The following KAZN variants were observed in gnomAD, a reference collection of about 807,000 sequenced individuals.
KAZN encodes kazrin.
Under a neutral mutation model 87.4 loss-of-function variants are expected in KAZN, and 40 were observed. The observed-to-expected ratio is 0.46, with a 90% CI of 0.36 to 0.60. The LOEUF is 0.60. Among genes scored for constraint, KAZN ranks in the 20% least tolerant of loss-of-function variants. KAZN has a pLI of 0.00. For missense variants in KAZN, 898 were observed against 1,073.9 expected (o/e 0.84, Z 2.29); for synonymous variants, 466 against 458.3 (o/e 1.02, Z -0.22).
intron 2 of KAZN, among the ~76,000 whole-genome samples, chr1:14,965,982 C>CTTTTTTT (rs71306999): frequency 3.2e-4 from 41 of 129,134 alleles, no homozygotes; most frequent in African/African-American, 6.8e-4. Context: ...CTTTCCTTTT[C>CTTTTTTT]TTTTTTTTTT....
intron 1 of KAZN, among the ~76,000 whole-genome samples, chr1:14,044,125 C>CTCTT (rs1641956994): frequency 1.3e-5 from 2 of 151,994 alleles, no homozygotes; most frequent in South Asian, 4.1e-4. Flanking sequence ...CTCTCTCTCT[C>CTCTT]CCTCCTCCAA....
At position 14,910,061 on chromosome 1, in the gene KAZN, T is replaced by TAAATAATGAATGAATGAATG. The variant is rs71000348; in HGVS notation, c.227-50621_227-50620insATAATGAATGAATGAATGAA. 2.8e-3 allele frequency among the ~76,000 whole-genome samples: 419 copies of TAAATAATGAATGAATGAATG among 147,344 alleles called. 1 individual carries two copies. Among genetic ancestry groups the TAAATAATGAATGAATGAATG allele is most frequent in the Middle Eastern group, 6.9e-3 (2 of 290 alleles). On this transcript the variant is annotated intron_variant, in intron 1 of 14. Coordinates refer to ENST00000376030, the MANE Select transcript of KAZN (RefSeq NM_201628.3). ...GTAAGACCTTGTCTCAATAAATAAA[T>TAAATAATGAATGAATGAATG]AATGAATGAATGAATGAATGAATGA...
intron 8 of KAZN, among the ~76,000 whole-genome samples, chr1:15,070,499 TGG>T (rs1639458298): frequency 6.6e-6 from 1 of 151,926 alleles, no homozygotes; most frequent in African/African-American, 2.4e-5. Flanking sequence ...CCCCAACACC[TGG>T]GGAGCTCTGT....
At chr1:14,662,262 C>T (rs530494800) in intron 1 of KAZN, among the ~76,000 whole-genome samples, 1 of 152,176 alleles carries the variant, frequency 6.6e-6, no homozygotes, top group African/African-American at 2.4e-5. Flanking sequence ...TACTAGGTGT[C>T]AGTGTGGGCA....
intron 1 of KAZN, among the ~76,000 whole-genome samples, chr1:14,817,781 A>G (rs2100811910): frequency 6.6e-6 from 1 of 150,728 alleles, no homozygotes; most frequent in East Asian, 1.9e-4. Context: ...TAAATAGGAA[A>G]AAAAAAAAAA....
At chr1:14,558,383 T>TTTTA (rs1409814749) in intron 2 of KAZN, among the ~76,000 whole-genome samples, 2 of 152,192 alleles carry the variant, frequency 1.3e-5, no homozygotes, top group Non-Finnish European at 2.9e-5. Context: ...CAAGTAAACA[T>TTTTA]CTTTTTTCTT....
At chr1:14,876,638 T>G (rs1458721454) in intron 1 of KAZN, among the ~76,000 whole-genome samples, 3 of 152,172 alleles carry the variant, frequency 2.0e-5, no homozygotes, top group Non-Finnish European at 2.9e-5. Context: ...CCTTCTCTGT[T>G]TACATTAGTC....
At chr1:14,142,068 G>A (rs1462322045) in intron 1 of KAZN, among the ~76,000 whole-genome samples, 1 of 144,992 alleles carries the variant, frequency 6.9e-6, no homozygotes, top group Non-Finnish European at 1.5e-5. Flanking sequence ...TGTTCTCTTT[G>A]TTCCTGCCTT....
chr1:13,912,938 T>A (rs1639707239), intron 1 of KAZN, among the ~76,000 whole-genome samples: 1 of 152,198 alleles, frequency 6.6e-6, no homozygotes, highest in South Asian at 2.1e-4. Flanking sequence ...ACCTGCTGGC[T>A]GTGTAGCATA....
intron 1 of KAZN, among the ~76,000 whole-genome samples, chr1:14,654,646 C>T (rs1638674657): frequency 1.3e-5 from 2 of 152,234 alleles, no homozygotes; most frequent in Admixed American, 6.5e-5. Flanking sequence ...GGGCATCCAC[C>T]TCCTCCTCCC....
At chr1:14,796,795 A>G (rs1448002344) in intron 1 of KAZN, among the ~76,000 whole-genome samples, 2 of 152,198 alleles carry the variant, frequency 1.3e-5, no homozygotes, top group Non-Finnish European at 2.9e-5. Context: ...GAAAGACACA[A>G]ACTTGACTGA....
intron 1 of KAZN, among the ~76,000 whole-genome samples, chr1:14,666,039 TAA>T (rs940830211): frequency 1.4e-5 from 2 of 145,192 alleles, no homozygotes; most frequent in African/African-American, 2.5e-5. Flanking sequence ...CCTTGGAATT[TAA>T]AAAAAAAAAG....
At chr1:14,200,848 T>C (rs1352510041) in intron 2 of KAZN, among the ~76,000 whole-genome samples, 1 of 145,148 alleles carries the variant, frequency 6.9e-6, no homozygotes, top group African/African-American at 2.5e-5. Context: ...TCTTGGTTAC[T>C]TTTTTTTTTT....
At chr1:14,339,377 A>G (rs1434559607) in intron 2 of KAZN, among the ~76,000 whole-genome samples, 1 of 152,158 alleles carries the variant, frequency 6.6e-6, no homozygotes, top group Non-Finnish European at 1.5e-5. Context: ...AGGAGAGAAA[A>G]TCAAATGGGT....
Position 15,077,109 on chromosome 1 carries a change from A to G in KAZN, c.1222+11356A>G, listed in dbSNP as rs190564130. 3.0e-4 allele frequency among the ~76,000 whole-genome samples: 45 copies of G among 152,360 alleles called. No individual in the cohort carries two copies. The highest frequency in any genetic ancestry group is 8.9e-4 in the African/African-American group (37 of 41,596). On this transcript the variant is annotated intron_variant, in intron 8 of 14. Transcript: ENST00000376030. The surrounding 1 kb of genome is among the most constrained non-coding windows in gnomAD (Gnocchi z 4.8). ...GTTTCCAGAGCTCCAGATCTTCTAG[A>G]GAAGCCAAATATCTCACATAATACA...
intron 2 of KAZN, among the ~76,000 whole-genome samples, chr1:14,379,959 G>C (rs1381165661): frequency 6.6e-6 from 1 of 152,176 alleles, no homozygotes; most frequent in Non-Finnish European, 1.5e-5. Context: ...ACCCAGCACA[G>C]TCCCGGTGGT....
At chr1:14,408,083 C>T (rs1229075857) in intron 2 of KAZN, among the ~76,000 whole-genome samples, 1 of 152,140 alleles carries the variant, frequency 6.6e-6, no homozygotes, top group Non-Finnish European at 1.5e-5. Context: ...TCAGGTTTTG[C>T]ACAAGCTGAG....
At chr1:14,305,052 A>G (rs1654826026) in intron 2 of KAZN, among the ~76,000 whole-genome samples, 1 of 151,980 alleles carries the variant, frequency 6.6e-6, no homozygotes, top group Non-Finnish European at 1.5e-5. Flanking sequence ...GCTTTTCCAC[A>G]TACTCACACA....
At chr1:14,955,590 C>T (rs1175768211) in intron 1 of KAZN, among the ~76,000 whole-genome samples, 1 of 152,146 alleles carries the variant, frequency 6.6e-6, no homozygotes, top group Non-Finnish European at 1.5e-5. Flanking sequence ...GCAGGTGCCG[C>T]ACCTGGTGAC....
Sources: gnomAD v4.1 joint callset for allele counts (sites outside exome capture counted in the v4.1 genomes callset) on GRCh38, gnomAD v4.1.1 for gene constraint, Gnocchi (gnomAD v3.1) non-coding constraint, MANE v1.5 for transcripts, NCBI Gene and HGNC (gene_info 2026-07-23, HGNC 2026-07-21) for gene names.